Variants in ATRNL1 observed in about 807,000 individuals in gnomAD.
The protein encoded by ATRNL1 is attractin-like protein 1.
ATRNL1 carries 95 observed loss-of-function variants against 182.7 expected under a neutral mutation model. The ratio of observed to expected loss-of-function variants is 0.52; its 90% CI spans 0.44 to 0.62. The LOEUF is 0.62. Ranked by LOEUF, ATRNL1 falls within the 20% of genes least tolerant of loss-of-function variation. The pLI, the probability that ATRNL1 is intolerant of heterozygous loss-of-function variation, is 0.00. For missense variants in ATRNL1, 1,471 were observed against 1,679.5 expected (o/e 0.88, Z 2.17); for synonymous variants, 576 against 568.3 (o/e 1.01, Z -0.19).
At chr10:115,673,644 AC>A (rs1297936923) in intron 26 of ATRNL1, among the ~76,000 whole-genome samples, 13 of 152,114 alleles carry the variant, frequency 8.5e-5, no homozygotes, top group African/African-American at 3.1e-4. Flanking sequence ...AATTAATATA[AC>A]CAACTTCAAC....
intron 21 of ATRNL1, among the ~76,000 whole-genome samples, chr10:115,457,613 A>G (rs1554968972): frequency 6.6e-6 from 1 of 151,842 alleles, no homozygotes; most frequent in African/African-American, 2.4e-5. Flanking sequence ...CCAACCCCTC[A>G]TCCTCCATTC....
At chr10:115,675,407 A>T (rs2133937667) in intron 26 of ATRNL1, among the ~76,000 whole-genome samples, 1 of 152,194 alleles carries the variant, frequency 6.6e-6, no homozygotes, top group African/African-American at 2.4e-5. Flanking sequence ...AAGAACAAGA[A>T]GTGGAAGAGA....
intron 26 of ATRNL1, among the ~76,000 whole-genome samples, chr10:115,655,357 C>G (rs570571239): frequency 1.3e-5 from 2 of 152,118 alleles, no homozygotes; most frequent in Non-Finnish European, 2.9e-5. Context: ...ATATCTTGAG[C>G]GTCCTTGGTA....
At chr10:115,336,329 T>C (rs1554936682) in intron 19 of ATRNL1, among the ~76,000 whole-genome samples, 6 of 152,210 alleles carry the variant, frequency 3.9e-5, no homozygotes, top group Non-Finnish European at 2.9e-5. Flanking sequence ...GCAGTAATTA[T>C]GGGCCAAGTG....
At chr10:115,367,773 C>G (rs1461635836) in intron 19 of ATRNL1, among the ~76,000 whole-genome samples, 2 of 80,172 alleles carry the variant, frequency 2.5e-5, no homozygotes, top group African/African-American at 9.1e-5. Context: ...TTGGAATACC[C>G]TGCTGTGTGA....
At chr10:115,478,410 G>C (rs1554973547) in intron 24 of ATRNL1, among the ~76,000 whole-genome samples, 1 of 151,700 alleles carries the variant, frequency 6.6e-6, no homozygotes, top group African/African-American at 2.4e-5. Flanking sequence ...TCTAGTTACT[G>C]TTAGCCAGGG....
chr10:115,154,353 T>C (rs547254454), intron 5 of ATRNL1, among the ~76,000 whole-genome samples: 18 of 152,260 alleles, frequency 1.2e-4, no homozygotes, highest in African/African-American at 4.1e-4. Context: ...CTAAGTCTCT[T>C]TGTAAGTCTC....
chr10:115,587,440 G>A (rs1398631071), intron 26 of ATRNL1, among the ~76,000 whole-genome samples: 3 of 151,876 alleles, frequency 2.0e-5, no homozygotes, highest in Admixed American at 6.6e-5. Flanking sequence ...CTCCCAGCCA[G>A]GTGCGGAATA....
chr10:115,923,645 G>T (rs530718726), intron 28 of ATRNL1, among the ~76,000 whole-genome samples: 1 of 151,896 alleles, frequency 6.6e-6, no homozygotes. Flanking sequence ...TTCTTTATCC[G>T]GTCTATCATT....
chr10:115,154,988 G>A (rs1554881719), intron 5 of ATRNL1, among the ~76,000 whole-genome samples: 1 of 152,094 alleles, frequency 6.6e-6, no homozygotes, highest in Non-Finnish European at 1.5e-5. Context: ...GTGCTCCAGT[G>A]ATGGCTACAT....
chr10:115,628,862 A>C (rs1858291100), intron 26 of ATRNL1, among the ~76,000 whole-genome samples: 1 of 152,174 alleles, frequency 6.6e-6, no homozygotes, highest in African/African-American at 2.4e-5. Flanking sequence ...TTTTTGCACC[A>C]ATCTAATATA....
chr10:115,725,447 T>C (rs1555059668), intron 26 of ATRNL1, among the ~76,000 whole-genome samples: 1 of 152,152 alleles, frequency 6.6e-6, no homozygotes, highest in African/African-American at 2.4e-5. Flanking sequence ...TACTTTTAGA[T>C]ATAAGGAAAA....
intron 26 of ATRNL1, among the ~76,000 whole-genome samples, chr10:115,638,470 A>G (rs1361813033): frequency 6.6e-6 from 1 of 152,206 alleles, no homozygotes; most frequent in East Asian, 1.9e-4. Context: ...CAGACACAAA[A>G]GGCCACTTAT....
At chr10:115,112,573 A>G (rs66569566) in intron 1 of ATRNL1, among the ~76,000 whole-genome samples, 335 of 152,308 alleles carry the variant, frequency 2.2e-3, no homozygotes, top group Non-Finnish European at 3.8e-3. Flanking sequence ...AATTGAAGCA[A>G]GAGCAAACAT....
chr10:115,263,865 G>C (rs1031908400), intron 10 of ATRNL1, among the ~76,000 whole-genome samples: 3 of 151,612 alleles, frequency 2.0e-5, no homozygotes, highest in Admixed American at 1.3e-4. Context: ...TGCTTCTTTG[G>C]ATAAAACATT....
intron 27 of ATRNL1, among the ~76,000 whole-genome samples, chr10:115,843,914 T>G (rs78727161): frequency 1.8e-4 from 27 of 152,240 alleles, no homozygotes; most frequent in African/African-American, 5.8e-4. Context: ...AATTCCTGGT[T>G]ATGCCACCTA....
At chr10:115,939,853 A>C (rs1953673063) in intron 28 of ATRNL1, among the ~76,000 whole-genome samples, 1 of 152,182 alleles carries the variant, frequency 6.6e-6, no homozygotes. Context: ...TCTCACCAGG[A>C]AAAATTCTCA....
chr10:115,374,393 G>T (rs1328536033), intron 19 of ATRNL1, among the ~76,000 whole-genome samples: 3 of 149,552 alleles, frequency 2.0e-5, no homozygotes, highest in Non-Finnish European at 1.5e-5. Context: ...CCTCCCTTCT[G>T]CTCACTTTGG....
Position 115,461,962 on chromosome 10 carries a change from A to G in ATRNL1, c.3344A>G (p.Gln1115Arg). The G allele has an allele frequency of 1.2e-6, 2 of 1,610,448 alleles. No individual in the cohort carries two copies. Among genetic ancestry groups the G allele is most frequent in the Non-Finnish European group, 1.7e-6 (2 of 1,178,214 alleles). Reference sequence around the variant, plus strand: ...ACAGACAGCCTTTTGATTGATTATCAATTTACCTTCAGCTTATTACAGGAA... The same window carrying G: ...ACAGACAGCCTTTTGATTGATTATCGATTTACCTTCAGCTTATTACAGGAA... ...TCYYSLLIDYQFTFSLLQEDD... is the reference protein window; with the variant it reads ...TCYYSLLIDYRFTFSLLQEDD... Residue 1115 changes from glutamine (Q) to arginine (R), a missense_variant, in exon 22 of 29, where the codon CAA becomes CGA. Around this residue, in one of 3 missense-constraint regions of ATRNL1, gnomAD observed 437 missense variants for 506.0 expected, o/e 0.86. Transcript: ENST00000355044.
Sources: gnomAD v4.1 joint callset for allele counts (sites outside exome capture counted in the v4.1 genomes callset) on GRCh38, gnomAD v4.1.1 for gene constraint, gnomAD v4.1.1 regional missense constraint, MANE v1.5 for transcripts, NCBI Gene and HGNC (gene_info 2026-07-23, HGNC 2026-07-21) for gene names.